MTUS1: variants seen among roughly 807,000 people sequenced by gnomAD.
MTUS1 encodes the protein microtubule associated scaffold protein 1.
MTUS1 carries 109 observed loss-of-function variants against 120.8 expected under a neutral mutation model. The ratio of observed to expected loss-of-function variants is 0.90; its 90% confidence interval spans 0.77 to 1.06. The LOEUF is 1.06. Ranked by LOEUF, MTUS1 falls within the 50% of genes least tolerant of loss-of-function variation. MTUS1 has a pLI of 0.00. For missense variants in MTUS1, 2,210 were observed against 1,486.3 expected, an observed-to-expected ratio of 1.49 and a Z score of -8.01; for synonymous variants, 737 against 550.5, an observed-to-expected ratio of 1.34 and a Z score of -4.74.
chr8:17,783,904 C>T (rs751669486), intron 1 of MTUS1, among the ~76,000 whole-genome samples: 5 of 152,076 alleles, frequency 3.3e-5, no homozygotes, highest in Non-Finnish European at 7.3e-5. Flanking sequence ...CTATGGGCCC[C>T]GATGACATGA....
intron 7 of MTUS1, among the ~76,000 whole-genome samples, chr8:17,675,775 CAAAAT>C (rs552009080): frequency 1.1e-3 from 165 of 152,194 alleles, no homozygotes; most frequent in African/African-American, 3.8e-3. Flanking sequence ...CCTTTAAAGA[CAAAAT>C]TAAATTAATT....
intron 8 of MTUS1, among the ~76,000 whole-genome samples, chr8:17,670,233 C>T (rs1811738521): frequency 6.6e-6 from 1 of 152,212 alleles, no homozygotes; most frequent in South Asian, 2.1e-4. Flanking sequence ...TCTGATTATA[C>T]TGGACTGGCT....
rs35308070 is a variant in MTUS1, at chr8:17,662,349, A to ATTTTTT, written c.2906-6290_2906-6285dup. Among the ~76,000 whole-genome samples, 1,113 of 112,582 alleles carry ATTTTTT rather than the reference A, an allele frequency of 9.9e-3. 43 individuals are homozygous for ATTTTTT. Among genetic ancestry groups the ATTTTTT allele is most frequent in the African/African-American group, 0.03 (863 of 28,742 alleles). The allele number at this position is 112,582 out of a possible 152,430, so 73.9% of individuals were successfully genotyped here. A position where few individuals can be genotyped will look rare whatever the true frequency, so the allele number is the denominator to read the frequency against. ...AAGTCAAAGTAGTCTTTTTGTCCCTATTTTTTTTTTTTTTTTTTTTTTTTG... is the reference window on the plus strand; with the variant it reads ...AAGTCAAAGTAGTCTTTTTGTCCCTATTTTTTTTTTTTTTTTTTTTTTTTTTTTTTG... On this transcript the variant is annotated intron_variant, in intron 8 of 14. Transcript: ENST00000693296.
intron 1 of MTUS1, among the ~76,000 whole-genome samples, chr8:17,765,275 G>A (rs1405166958): frequency 6.6e-6 from 1 of 152,132 alleles, no homozygotes; most frequent in East Asian, 1.9e-4. Flanking sequence ...CTGCTGTGCA[G>A]CCCTGTTCCT....
At position 17,653,516 on chromosome 8, in the gene MTUS1, T is replaced by C. The variant is rs765493660; in HGVS notation, c.3215-18A>G. 18 of 1,565,332 alleles carry C rather than the reference T, an allele frequency of 1.1e-5. 1 individual carries two copies. In the South Asian group the frequency reaches 2.0e-4, roughly 18 times the overall value. ...CTTAATTTCTGGGAAAATAAACGGA[T>C]ATTTTTGAGGCAATAACATTCTATG... is the stretch of plus-strand genomic sequence containing the variant. On this transcript the variant is annotated intron_variant, in intron 10 of 14. Coordinates refer to ENST00000693296, the MANE Select transcript of MTUS1 (RefSeq NM_001363059.2).
intron 8 of MTUS1, among the ~76,000 whole-genome samples, chr8:17,657,058 CAAAAAAAAAAAAAA>C (rs1219286349): frequency 1.8e-5 from 1 of 56,716 alleles, no homozygotes; most frequent in East Asian, 6.1e-4. Flanking sequence ...GATTCTGTCT[CAAAAAAAAAAAAAA>C]AAAAAAAAAG....
At chr8:17,777,295 C>G (rs1012865923) in intron 1 of MTUS1, among the ~76,000 whole-genome samples, 10 of 151,832 alleles carry the variant, frequency 6.6e-5, no homozygotes, top group African/African-American at 2.4e-4. Flanking sequence ...AAAAAATTAG[C>G]CAGACATGGT....
intron 8 of MTUS1, among the ~76,000 whole-genome samples, chr8:17,669,644 G>C (rs113014470): frequency 1.2e-4 from 18 of 152,174 alleles, no homozygotes; most frequent in African/African-American, 4.1e-4. Flanking sequence ...TCAGGAGTTC[G>C]AGACCAGCCT....
At chr8:17,792,642 T>C (rs1363168839) in intron 1 of MTUS1, among the ~76,000 whole-genome samples, 1 of 152,222 alleles carries the variant, frequency 6.6e-6, no homozygotes, top group Admixed American at 6.5e-5. Flanking sequence ...GGTGGACAGA[T>C]CGCCTGAGGC....
chr8:17,711,762 A>C (rs1204544848), intron 6 of MTUS1, among the ~76,000 whole-genome samples: 1 of 152,190 alleles, frequency 6.6e-6, no homozygotes, highest in Non-Finnish European at 1.5e-5. Flanking sequence ...ATTAAACTCA[A>C]TCATTTCTAT....
chr8:17,670,860 A>G (rs3862088), intron 8 of MTUS1, among the ~76,000 whole-genome samples: 1,647 of 152,230 alleles, frequency 0.011, 36 homozygotes, highest in African/African-American at 0.038. Flanking sequence ...AACATACACA[A>G]ATCTCAAAAG....
chr8:17,753,719 A>G lies in MTUS1; in HGVS notation c.2089T>C (p.Leu697=). 2.5e-6 allele frequency: 4 copies of G among 1,587,606 alleles called. No individual in the cohort carries two copies. The highest frequency in any genetic ancestry group is 3.4e-6 in the Non-Finnish European group (4 of 1,170,000). The change falls in exon 2 of 15, where the codon TTG becomes CTG. Residue 697 remains leucine (L), a splice_region_variant and synonymous_variant. Transcript: ENST00000693296. ...NETFEYGSLF[L]GSASKTTTTS... ...AAAAATATATATATATTACTTACCAAAAACAGAGAACCATATTCAAAAGTC... is the reference window on the plus strand; with the variant it reads ...AAAAATATATATATATTACTTACCAGAAACAGAGAACCATATTCAAAAGTC...
intron 4 of MTUS1, among the ~76,000 whole-genome samples, chr8:17,720,736 AC>A (rs1469069802): frequency 6.6e-6 from 1 of 152,340 alleles, no homozygotes; most frequent in East Asian, 1.9e-4. Context: ...ATTTATTTTT[AC>A]CCAGTTACTT....
intron 4 of MTUS1, among the ~76,000 whole-genome samples, chr8:17,718,027 C>T (rs1822665533): frequency 6.6e-6 from 1 of 152,318 alleles, no homozygotes; most frequent in East Asian, 1.9e-4. Context: ...CTGCTTTCTG[C>T]TTTACTAATG....
At chr8:17,717,468 C>G (rs1304389214) in intron 4 of MTUS1, among the ~76,000 whole-genome samples, 22 of 152,174 alleles carry the variant, frequency 1.4e-4, no homozygotes, top group Admixed American at 1.4e-3. Flanking sequence ...ACAGTCTTAA[C>G]CATGGAATTA....
At chr8:17,692,553 A>C (rs1478499627) in intron 6 of MTUS1, among the ~76,000 whole-genome samples, 1 of 152,188 alleles carries the variant, frequency 6.6e-6, no homozygotes, top group Non-Finnish European at 1.5e-5. Context: ...TAATTTGATG[A>C]ATTTCATCCT....
At chr8:17,714,394 T>C (rs1165322234) in intron 5 of MTUS1, among the ~76,000 whole-genome samples, 5 of 152,206 alleles carry the variant, frequency 3.3e-5, no homozygotes, top group African/African-American at 7.2e-5. Context: ...AAGTTACTAA[T>C]AGATATTAAC....
chr8:17,736,895 T>C (rs939562519), intron 3 of MTUS1, among the ~76,000 whole-genome samples: 1 of 152,316 alleles, frequency 6.6e-6, no homozygotes, highest in Non-Finnish European at 1.5e-5. Flanking sequence ...CTTTCTCTTT[T>C]ATTTTTGGAT....
intron 2 of MTUS1, among the ~76,000 whole-genome samples, chr8:17,749,890 T>A (rs1470953830): frequency 6.6e-6 from 1 of 152,182 alleles, no homozygotes; most frequent in Admixed American, 6.5e-5. Context: ...CATGGGCCAC[T>A]GGTCACTCAT....
Sources: gnomAD v4.1 joint callset for allele counts (sites outside exome capture counted in the v4.1 genomes callset) on GRCh38, gnomAD v4.1.1 for gene constraint, MANE v1.5 for transcripts, NCBI Gene and HGNC (gene_info 2026-07-23, HGNC 2026-07-21) for gene names.